Variants in TTC12 observed in about 807,000 individuals in gnomAD.
The protein encoded by TTC12 is tetratricopeptide repeat protein 12.
TTC12 carries 70 observed loss-of-function variants against 90.1 expected under a neutral mutation model. That is an observed-to-expected ratio of 0.78 (90% CI 0.64 to 0.95). TTC12 has a LOEUF of 0.95. TTC12 is among the 40% of genes least tolerant of loss of function. The pLI is 0.00. For missense variants in TTC12, 819 were observed against 846.1 expected, an observed-to-expected ratio of 0.97 and a Z score of 0.40; for synonymous variants, 296 against 311.5, an observed-to-expected ratio of 0.95 and a Z score of 0.53.
chr11:113,350,256 A>G, intron 14 of TTC12, 91 bp downstream of exon 14: 1 of 1,019,018 alleles, frequency 9.8e-7, no homozygotes, highest in Middle Eastern at 3.0e-4. Context: ...CAGAGAGGCT[A>G]GGCCAAGTCT....
At chr11:113,328,939 A>G (rs560897461) in intron 6 of TTC12, among the ~76,000 whole-genome samples, 27 of 152,168 alleles carry the variant, frequency 1.8e-4, no homozygotes, top group Non-Finnish European at 3.4e-4. Flanking sequence ...AGATTCATCC[A>G]TGTTATAGTA....
chr11:113,369,723 A>G (rs1046734245), downstream of TTC12, among the ~76,000 whole-genome samples: 7 of 152,066 alleles, frequency 4.6e-5, no homozygotes, highest in African/African-American at 1.4e-4. Context: ...TTTCCTCTCT[A>G]TAAAATGGGA....
chr11:113,351,197 A>G, intron 14 of TTC12, 42 bp from the exon 15 acceptor site: 2 of 1,571,208 alleles, frequency 1.3e-6, no homozygotes, highest in Non-Finnish European at 1.8e-6. Context: ...GTTATAGTTT[A>G]TGCAATGTAA....
intron 2 of TTC12, among the ~76,000 whole-genome samples, chr11:113,318,597 CAT>C (rs1400947700): frequency 1.4e-5 from 2 of 143,502 alleles, no homozygotes; most frequent in African/African-American, 4.9e-5. Flanking sequence ...ATAGCTTCAA[CAT>C]GTGAATTTTT....
At chr11:113,347,581 C>T (rs2138022145) in intron 13 of TTC12, among the ~76,000 whole-genome samples, 1 of 152,290 alleles carries the variant, frequency 6.6e-6, no homozygotes, top group East Asian at 1.9e-4. Context: ...AAGTTGCCTG[C>T]CCCGTACTAT....
chr11:113,365,254 G>A (rs1325992817), intron 21 of TTC12, among the ~76,000 whole-genome samples, 194 bp downstream of exon 21: 2 of 152,170 alleles, frequency 1.3e-5, no homozygotes, highest in South Asian at 2.1e-4. Context: ...GGAGCTCTCG[G>A]TCTCCAACCA....
At chr11:113,317,169 G>C (rs1235958975) in intron 2 of TTC12, among the ~76,000 whole-genome samples, 2 of 152,148 alleles carry the variant, frequency 1.3e-5, no homozygotes, top group African/African-American at 4.8e-5. Context: ...CCACCTGTTT[G>C]TTCATGACCC....
rs1356892178 is a variant in TTC12, at chr11:113,320,953, G to T, written c.59-2335G>T. ...TGCTACTCAGGAGGCTGAAGCAGGA[G>T]GATCGCTTGAGCCCAGGGGTTCAAA... On this transcript the variant is annotated intron_variant, in intron 2 of 21. Coordinates refer to ENST00000529221, the MANE Select transcript of TTC12 (RefSeq NM_017868.4). Among the ~76,000 whole-genome samples the T allele has an allele frequency of 3.3e-5, 5 of 152,226 alleles. No individual in the cohort carries two copies. The East Asian group carries it at 9.6e-4, about 29-fold the overall frequency.
At chr11:113,320,787 C>T (rs782575597) in intron 2 of TTC12, among the ~76,000 whole-genome samples, 4 of 152,216 alleles carry the variant, frequency 2.6e-5, no homozygotes, top group African/African-American at 9.6e-5. Flanking sequence ...TGCGTTCTCC[C>T]CCTCCCCTCA....
At chr11:113,319,781 C>G (rs1947182479) in intron 2 of TTC12, among the ~76,000 whole-genome samples, 1 of 151,802 alleles carries the variant, frequency 6.6e-6, no homozygotes, top group Non-Finnish European at 1.5e-5. Flanking sequence ...AAAGGACAAT[C>G]AGGGGAAAGG....
downstream of TTC12, chr11:113,368,321 C>T (rs968738833): frequency 2.5e-5 from 39 of 1,544,820 alleles, no homozygotes; most frequent in Middle Eastern, 1.7e-4. Context: ...CCCCCGCCAC[C>T]GCCCCAAACT....
intron 4 of TTC12, chr11:113,324,277 A>G (rs1555140027): frequency 5.6e-6 from 3 of 534,976 alleles, no homozygotes; most frequent in African/African-American, 3.9e-5. Context: ...AGGGATCCAG[A>G]TAGTTTCTCT....
intron 13 of TTC12, among the ~76,000 whole-genome samples, chr11:113,344,941 G>A (rs1202928953): frequency 6.6e-6 from 1 of 152,190 alleles, no homozygotes; most frequent in Non-Finnish European, 1.5e-5. Flanking sequence ...TAGAATGTGT[G>A]TACCCTAAGT....
downstream of TTC12, among the ~76,000 whole-genome samples, chr11:113,370,968 A>AC (rs555979995): frequency 3.8e-3 from 575 of 151,886 alleles, 3 homozygotes; most frequent in African/African-American, 0.013. Flanking sequence ...ACATACACAC[A>AC]CCCCCACACA....
intron 8 of TTC12, among the ~76,000 whole-genome samples, chr11:113,336,292 A>G (rs1425312157): frequency 1.3e-5 from 2 of 152,176 alleles, no homozygotes; most frequent in South Asian, 2.1e-4. Context: ...TTCTTATCAG[A>G]TACATGATTT....
chr11:113,326,963 C>G (rs1947733817), intron 6 of TTC12, among the ~76,000 whole-genome samples: 1 of 152,116 alleles, frequency 6.6e-6, no homozygotes, highest in South Asian at 2.1e-4. Flanking sequence ...CACTTAAATG[C>G]AAGCAATTAA....
At chr11:113,341,358 A>G (rs1555145955) in intron 11 of TTC12, among the ~76,000 whole-genome samples, 2 of 152,146 alleles carry the variant, frequency 1.3e-5, no homozygotes. Context: ...TCATTTGTTC[A>G]TTTCTTCTTT....
At chr11:113,349,565 T>G (rs900714371) in intron 13 of TTC12, among the ~76,000 whole-genome samples, 14 of 152,242 alleles carry the variant, frequency 9.2e-5, no homozygotes, top group Non-Finnish European at 1.3e-4. Context: ...CTCACAATTC[T>G]GTTACTTAAG....
chr11:113,362,488 A>G lies in TTC12; in HGVS notation c.1702A>G (p.Met568Val). ...GCGAGCAGGAGTGGTAAAGAAAATGATGAAATTCCTGAAGGTAAGATCACT... is the reference window on the plus strand; with the variant it reads ...GCGAGCAGGAGTGGTAAAGAAAATGGTGAAATTCCTGAAGGTAAGATCACT... ...ALRAGVVKKM[M>V]KFLKTGGETA... is the part of the protein sequence containing the mutation. Residue 568 changes from methionine to valine, a missense_variant, in exon 19 of 22, where the codon ATG becomes GTG. Coordinates refer to ENST00000529221, the MANE Select transcript of TTC12 (RefSeq NM_017868.4). 1.2e-6 allele frequency: 2 copies of G among 1,610,984 alleles called. No homozygotes were observed. The highest frequency in any genetic ancestry group is 2.7e-5 in the African/African-American group (2 of 74,982).
Sources: gnomAD v4.1 joint callset for allele counts (sites outside exome capture counted in the v4.1 genomes callset) on GRCh38, gnomAD v4.1.1 for gene constraint, MANE v1.5 for transcripts, NCBI Gene and HGNC (gene_info 2026-07-23, HGNC 2026-07-21) for gene names.